HDAC9: variants seen among roughly 807,000 people sequenced by gnomAD.
HDAC9 encodes histone deacetylase 9, also known as MEF-2 interacting transcription repressor (MITR) protein.
Under a neutral mutation model 139.4 loss-of-function variants are expected in HDAC9, and 41 were observed. The observed-to-expected ratio is 0.29, with a 90% CI of 0.23 to 0.38. The LOEUF (loss-of-function observed/expected upper bound fraction) is 0.38. Ranked by LOEUF, HDAC9 falls within the 10% of genes least tolerant of loss-of-function variation. HDAC9 has a pLI of 1.00. For synonymous variants in HDAC9, 517 were observed against 476.2 expected (o/e 1.09, Z -1.12); for missense variants, 1,147 against 1,297.0 (o/e 0.88, Z 1.78).
intron 11 of HDAC9, among the ~76,000 whole-genome samples, chr7:18,651,652 T>C (rs991805092): frequency 2.6e-5 from 4 of 151,878 alleles, no homozygotes; most frequent in African/African-American, 9.7e-5. Flanking sequence ...TTGCTATTAT[T>C]TTAATGTGTT....
At chr7:18,208,949 A>T (rs535694149) in intron 2 of HDAC9, among the ~76,000 whole-genome samples, 2 of 152,236 alleles carry the variant, frequency 1.3e-5, no homozygotes, top group African/African-American at 4.8e-5. Flanking sequence ...TTTATTATAT[A>T]CAACTTAATT....
intron 12 of HDAC9, among the ~76,000 whole-genome samples, chr7:18,686,262 A>G (rs1033429059): frequency 1.3e-5 from 2 of 151,962 alleles, no homozygotes; most frequent in African/African-American, 4.8e-5. Flanking sequence ...CTTTTCAACC[A>G]AGTCTTCTTT....
chr7:18,668,219 C>T (rs706086), intron 12 of HDAC9: 103,976 of 904,842 alleles, frequency 0.11, 9,611 homozygotes, highest in African/African-American at 0.45. Context: ...AAGTTTTCCA[C>T]ATAATGAAAG....
intron 17 of HDAC9, among the ~76,000 whole-genome samples, chr7:18,794,185 C>T (rs966848026): frequency 2.0e-5 from 3 of 152,128 alleles, no homozygotes; most frequent in Admixed American, 6.5e-5. Context: ...GGTGCTAACA[C>T]GGCCTTTTAA....
chr7:18,680,159 C>T (rs769256938), intron 12 of HDAC9, among the ~76,000 whole-genome samples: 3 of 151,930 alleles, frequency 2.0e-5, no homozygotes, highest in African/African-American at 7.2e-5. Context: ...TGTTCTTGAC[C>T]AAAAGCCTAG....
chr7:18,110,968 T>G (rs1783576713), intron 1 of HDAC9, among the ~76,000 whole-genome samples: 1 of 152,110 alleles, frequency 6.6e-6, no homozygotes, highest in South Asian at 2.1e-4. Flanking sequence ...AGAAACACAT[T>G]TTAAGGGACA....
At chr7:18,500,255 A>G (rs943414480) in intron 2 of HDAC9, among the ~76,000 whole-genome samples, 3 of 152,160 alleles carry the variant, frequency 2.0e-5, no homozygotes, top group Non-Finnish European at 2.9e-5. Context: ...AATATTCTAA[A>G]TGATGATTTT....
At chr7:18,856,128 G>T (rs1797657837) in intron 21 of HDAC9, among the ~76,000 whole-genome samples, 1 of 152,088 alleles carries the variant, frequency 6.6e-6, no homozygotes, top group South Asian at 2.1e-4. Flanking sequence ...TGCATGCTTT[G>T]AAAAGAATGC....
At chr7:18,923,977 A>G (rs1245096162) in intron 22 of HDAC9, among the ~76,000 whole-genome samples, 2 of 152,068 alleles carry the variant, frequency 1.3e-5, no homozygotes, top group Non-Finnish European at 2.9e-5. Flanking sequence ...AAAACAGAAC[A>G]AAACCACTGT....
chr7:18,759,778 T>G (rs1789214175), intron 14 of HDAC9, among the ~76,000 whole-genome samples: 3 of 152,162 alleles, frequency 2.0e-5, no homozygotes, highest in South Asian at 4.2e-4. Flanking sequence ...CAGATGAGTG[T>G]TTAAATGTGT....
chr7:18,758,068 C>T (rs946988175), intron 14 of HDAC9, among the ~76,000 whole-genome samples: 8 of 152,004 alleles, frequency 5.3e-5, no homozygotes, highest in Non-Finnish European at 7.4e-5. Context: ...TCACAGGGAA[C>T]GATAAGGTAA....
At chr7:18,745,883 CTT>C (rs752292349) in intron 13 of HDAC9, among the ~76,000 whole-genome samples, 9 of 99,468 alleles carry the variant, frequency 9.0e-5, no homozygotes, top group East Asian at 6.3e-4. Context: ...TCTTCTTCTT[CTT>C]TTTTTTTTTT....
intron 2 of HDAC9, among the ~76,000 whole-genome samples, chr7:18,583,624 T>C (rs774407270): frequency 6.6e-6 from 1 of 151,186 alleles, no homozygotes; most frequent in Non-Finnish European, 1.5e-5. Context: ...CATGGTGATA[T>C]GCACCTAAAG....
intron 2 of HDAC9, among the ~76,000 whole-genome samples, chr7:18,200,794 A>G (rs996642836): frequency 6.6e-6 from 1 of 152,088 alleles, no homozygotes; most frequent in Non-Finnish European, 1.5e-5. Context: ...TTAATTCGTT[A>G]TTATAATTTT....
At chr7:18,120,226 C>T (rs1784277974) in intron 1 of HDAC9, among the ~76,000 whole-genome samples, 1 of 152,130 alleles carries the variant, frequency 6.6e-6, no homozygotes, top group Non-Finnish European at 1.5e-5. Flanking sequence ...GCCAGGGGTG[C>T]TGCTCAATAT....
intron 21 of HDAC9, among the ~76,000 whole-genome samples, chr7:18,855,514 C>G (rs1273741067): frequency 6.6e-6 from 1 of 151,784 alleles, no homozygotes; most frequent in African/African-American, 2.4e-5. Flanking sequence ...CCTGCTTGTC[C>G]TTTGAGAACA....
chr7:18,230,242 A>G (rs1466181727), intron 2 of HDAC9, among the ~76,000 whole-genome samples: 1 of 152,214 alleles, frequency 6.6e-6, no homozygotes, highest in Non-Finnish European at 1.5e-5. Context: ...CAGACCAGCT[A>G]CATAATTTAT....
At chr7:18,705,024 G>T (rs749039659) in intron 12 of HDAC9, among the ~76,000 whole-genome samples, 1 of 152,092 alleles carries the variant, frequency 6.6e-6, no homozygotes, top group Non-Finnish European at 1.5e-5. Context: ...AAAATAAAGA[G>T]ACAAGTAAAA....
chr7:18,513,221 G>A (rs995321508), intron 2 of HDAC9, among the ~76,000 whole-genome samples: 1 of 152,062 alleles, frequency 6.6e-6, no homozygotes. Context: ...TAGAGGGACC[G>A]GAAGGAATTT....
Sources: allele counts gnomAD v4.1 joint callset (sites outside exome capture counted in the v4.1 genomes callset), GRCh38; gene constraint gnomAD v4.1.1; transcripts MANE v1.5; gene names NCBI Gene and HGNC (gene_info 2026-07-23, HGNC 2026-07-21).